MANBA: variants seen among roughly 807,000 people sequenced by gnomAD.
MANBA encodes mannosidase beta.
MANBA carries 83 observed loss-of-function variants against 111.1 expected under a neutral mutation model. The ratio of observed to expected loss-of-function variants is 0.75; its 90% CI spans 0.63 to 0.90. The LOEUF (loss-of-function observed/expected upper bound fraction) is 0.90, where lower values mean the gene tolerates loss of function less well. Ranked by LOEUF, MANBA falls within the 40% of genes least tolerant of loss-of-function variation. The pLI is 0.00. For missense variants in MANBA, 1,036 were observed against 1,069.0 expected (o/e 0.97, Z 0.43); for synonymous variants, 370 against 378.7 (o/e 0.98, Z 0.27).
At chr4:102,699,198 C>T (rs1187732962) in intron 5 of MANBA, among the ~76,000 whole-genome samples, 1 of 151,926 alleles carries the variant, frequency 6.6e-6, no homozygotes, top group Non-Finnish European at 1.5e-5. Context: ...GATTTATATA[C>T]ATTGATTTTG....
chr4:102,678,404 G>C (rs1197518284), intron 7 of MANBA, among the ~76,000 whole-genome samples: 1 of 150,732 alleles, frequency 6.6e-6, no homozygotes, highest in Non-Finnish European at 1.5e-5. Flanking sequence ...TTCTACAACA[G>C]GTATTTTACT....
chr4:102,697,102 G>C (rs1397079250), intron 5 of MANBA, among the ~76,000 whole-genome samples: 1 of 152,098 alleles, frequency 6.6e-6, no homozygotes, highest in Non-Finnish European at 1.5e-5. Context: ...ATGTTTCCTA[G>C]AACAAGGATA....
chr4:102,753,917 T>A, intron 1 of MANBA: 1 of 437,546 alleles, frequency 2.3e-6, no homozygotes, highest in Non-Finnish European at 4.5e-6. Context: ...ACCATGAGAA[T>A]CGCTTGAACC....
chr4:102,733,951 CA>C (rs1293722011), intron 1 of MANBA, among the ~76,000 whole-genome samples: 1 of 152,174 alleles, frequency 6.6e-6, no homozygotes, highest in Non-Finnish European at 1.5e-5. Flanking sequence ...ATAGGTTAAG[CA>C]GAGGAGAAGA....
Position 102,631,845 on chromosome 4 carries a change from C to T in MANBA, c.*212G>A, listed in dbSNP as rs1014205371. The T allele has an allele frequency of 1.1e-5, 7 of 630,758 alleles. No homozygotes were observed. Among genetic ancestry groups the T allele is most frequent in the East Asian group, 2.7e-5 (1 of 36,910 alleles). The allele number at this position is 630,758 out of a possible 1,614,324, so 39.1% of individuals were successfully genotyped here. ...TCCTGGCACAGATTCCAGGACACCC[C>T]GGCACAGGCTTGTTTGAGGACATTG... is the stretch of plus-strand genomic sequence containing the variant. On this transcript the variant is annotated 3_prime_UTR_variant, in exon 17 of 17. Transcript: ENST00000647097.
chr4:102,733,479 G>A (rs1421671552), intron 1 of MANBA, among the ~76,000 whole-genome samples: 3 of 151,890 alleles, frequency 2.0e-5, no homozygotes, highest in Non-Finnish European at 4.4e-5. Flanking sequence ...TCAGCCTCCT[G>A]AGGAGCTGGG....
At chr4:102,734,579 C>A in intron 1 of MANBA, 1 of 1,607,086 alleles carries the variant, frequency 6.2e-7, no homozygotes, top group Non-Finnish European at 8.5e-7. Context: ...CTTCTGTGAA[C>A]AAGAGGCCCA....
chr4:102,689,702 A>C lies in MANBA; in HGVS notation c.850-18T>G, dbSNP rs775906279. The C allele has an allele frequency of 7.8e-6, 11 of 1,416,384 alleles. No individual in the cohort carries two copies. The highest frequency in any genetic ancestry group is 1.1e-5 in the Non-Finnish European group (11 of 1,000,362). 87.7% of individuals were successfully genotyped at this position (1,416,384 alleles called of 1,614,324 possible). ...GTAATATTCTTTTAAGAAAATTTAA[A>C]AGTCACTCTAATATGTCATATTTTC... On this transcript the variant is annotated intron_variant, in intron 6 of 16. Coordinates refer to ENST00000647097, the MANE Select transcript of MANBA (RefSeq NM_005908.4).
chr4:102,702,113 T>C (rs1392623402), intron 5 of MANBA, among the ~76,000 whole-genome samples: 11 of 152,024 alleles, frequency 7.2e-5, no homozygotes, highest in Non-Finnish European at 1.5e-4. Flanking sequence ...ATTCATTTCA[T>C]CTTCCATCAC....
chr4:102,726,728 CAAAT>C (rs1337896954), intron 1 of MANBA, 45 bp from the exon 2 acceptor site: 3 of 862,634 alleles, frequency 3.5e-6, no homozygotes, highest in African/African-American at 1.7e-5. Flanking sequence ...TAAATATGCA[CAAAT>C]AAATTAATAA....
chr4:102,641,374 A>G (rs1279058626), intron 13 of MANBA, among the ~76,000 whole-genome samples: 2 of 152,188 alleles, frequency 1.3e-5, no homozygotes, highest in East Asian at 3.8e-4. Flanking sequence ...AGGCAAATGG[A>G]GGTCACAAAA....
Position 102,657,699 on chromosome 4 carries a change from A to T in MANBA, c.1687T>A (p.Phe563Ile). Residue 563 changes from phenylalanine (F) to isoleucine (I), a missense_variant, in exon 12 of 17, where the codon TTC becomes ATC. Coordinates refer to ENST00000647097, the MANE Select transcript of MANBA (RefSeq NM_005908.4). ...TGACTTACCTTTTCTAATGTACTGA[A>T]GGACGGCCAGGACTGATATCCATAT... is the stretch of plus-strand genomic sequence containing the variant. ...SEYGYQSWPS[F>I]STLEKVSSTE... 6.2e-7 allele frequency: 1 copy of T among 1,611,402 alleles called. No homozygotes were observed. The highest frequency in any genetic ancestry group is 8.5e-7 in the Non-Finnish European group (1 of 1,177,502).
At chr4:102,734,481 A>G (rs1320074930) in intron 1 of MANBA, 1 of 1,604,728 alleles carries the variant, frequency 6.2e-7, no homozygotes, top group South Asian at 1.1e-5. Context: ...GGCCATCATC[A>G]TACCCATTCC....
intron 5 of MANBA, among the ~76,000 whole-genome samples, chr4:102,704,135 G>A (rs1411235592): frequency 1.3e-5 from 2 of 151,556 alleles, no homozygotes; most frequent in East Asian, 1.9e-4. Flanking sequence ...AATGCTGAAC[G>A]TCTGGGGAGA....
Position 102,668,982 on chromosome 4 carries a change from G to A in MANBA, c.1298C>T (p.Thr433Ile), listed in dbSNP as rs1731359361. 1 of 1,613,262 alleles carries A rather than the reference G, an allele frequency of 6.2e-7. No homozygotes were observed. Among genetic ancestry groups the A allele is most frequent in the Non-Finnish European group, 8.5e-7 (1 of 1,179,490 alleles). Residue 433 changes from threonine to isoleucine, a missense_variant, in exon 10 of 17, where the codon ACA becomes ATA. By Grantham distance (89) the Thr-to-Ile change is moderately conservative (BLOSUM62 -1). Coordinates refer to ENST00000647097, the MANE Select transcript of MANBA (RefSeq NM_005908.4). ...ACATACCTGGTAGGCAACTTCTGCT[G>A]TCACTGAATCCAGGAAGCCCTGATC... The part of the protein sequence containing the change: ...PTDQGFLDSV[T>I]AEVAYQIKRL...
At position 102,739,331 on chromosome 4, in the gene MANBA, A is replaced by C. The variant is rs190914006; in HGVS notation, c.178-12648T>G. Among the ~76,000 whole-genome samples, 14 of 152,344 alleles carry C rather than the reference A, an allele frequency of 9.2e-5. 1 individual carries two copies. The highest frequency in any genetic ancestry group is 7.8e-4 in the Admixed American group (12 of 15,300). On this transcript the variant is annotated intron_variant, in intron 1 of 16. Coordinates refer to ENST00000647097, the MANE Select transcript of MANBA (RefSeq NM_005908.4). Reference sequence around the variant, plus strand: ...AATTTAAAAATTGCTGACCAAAAAAAAGTCCAGGACCAGATGGATTCACAG... The same window carrying C: ...AATTTAAAAATTGCTGACCAAAAAACAGTCCAGGACCAGATGGATTCACAG...
chr4:102,756,096 C>A (rs938814804), intron 1 of MANBA, among the ~76,000 whole-genome samples: 29 of 152,140 alleles, frequency 1.9e-4, no homozygotes, highest in Non-Finnish European at 3.8e-4. Context: ...ACTAGAAATA[C>A]CATTTGACCC....
chr4:102,695,606 T>G (rs1229815169), intron 5 of MANBA, among the ~76,000 whole-genome samples: 1 of 152,162 alleles, frequency 6.6e-6, no homozygotes, highest in Non-Finnish European at 1.5e-5. Flanking sequence ...CTTGGAGATG[T>G]TCTCATCACT....
rs758862876 is a variant in MANBA, at chr4:102,723,969, T to TA, written c.273-3dup. Reference sequence around the variant, plus strand: ...ATCAAATTTACTTTTTGCCATTTGCTAAAAAAAAGAAAAGATTTTTAAAAC... The same window carrying TA: ...ATCAAATTTACTTTTTGCCATTTGCTAAAAAAAAAGAAAAGATTTTTAAAAC... On this transcript the variant is annotated splice_polypyrimidine_tract_variant and splice_region_variant and intron_variant, in intron 2 of 16. Transcript: ENST00000647097. The TA allele has an allele frequency of 7.3e-5, 114 of 1,558,440 alleles. No homozygotes were observed. Among genetic ancestry groups the TA allele is most frequent in the Middle Eastern group, 1.7e-4 (1 of 5,964 alleles).
Sources: gnomAD v4.1 joint callset for allele counts (sites outside exome capture counted in the v4.1 genomes callset) on GRCh38, gnomAD v4.1.1 for gene constraint, MANE v1.5 for transcripts, NCBI Gene and HGNC (gene_info 2026-07-23, HGNC 2026-07-21) for gene names.